The following PARD3B variants were observed in gnomAD, a reference collection of about 807,000 sequenced individuals.
The protein encoded by PARD3B is par-3 family cell polarity regulator beta, also known as partitioning defective 3 homolog B.
Under a neutral mutation model 130.2 loss-of-function variants are expected in PARD3B, and 103 were observed. That is an observed-to-expected ratio of 0.79 (90% CI 0.67 to 0.93). PARD3B has a LOEUF of 0.93. Among genes scored for constraint, PARD3B ranks in the 40% least tolerant of loss-of-function variants. PARD3B has a pLI of 0.00. For synonymous variants in PARD3B, 583 were observed against 553.2 expected (o/e 1.05, Z -0.76); for missense variants, 1,609 against 1,499.2 (o/e 1.07, Z -1.21).
chr2:204,920,133 T>C (rs1382761456), intron 2 of PARD3B, among the ~76,000 whole-genome samples: 1 of 152,234 alleles, frequency 6.6e-6, no homozygotes, highest in Non-Finnish European at 1.5e-5. Flanking sequence ...CCCCCTTCAG[T>C]TGAGAGTATG....
At chr2:205,578,039 C>G (rs1315641118) in intron 22 of PARD3B, among the ~76,000 whole-genome samples, 1 of 152,162 alleles carries the variant, frequency 6.6e-6, no homozygotes, top group African/African-American at 2.4e-5. Context: ...TGGATTGGCT[C>G]TGTATCAGTG....
intron 11 of PARD3B, among the ~76,000 whole-genome samples, chr2:205,166,016 T>C (rs2034794738): frequency 6.6e-6 from 1 of 152,104 alleles, no homozygotes; most frequent in African/African-American, 2.4e-5. Context: ...GACTCTCTCA[T>C]AGTTACAATT....
rs1007405393 is a variant in PARD3B at position 204,678,664 on chromosome 2, G to C, written c.121-7517G>C. ...AGTTGCTTCTAGTCTCTGATGCGCA[G>C]TTGCTTCTCCTCTCGATGTTCAGCC... is the stretch of plus-strand genomic sequence containing the variant. On this transcript the variant is annotated intron_variant, in intron 1 of 22. Coordinates refer to ENST00000406610, the MANE Select transcript of PARD3B (RefSeq NM_001302769.2). The surrounding 1 kb of genome is among the most constrained non-coding windows in gnomAD (Gnocchi z 4.2). Among the ~76,000 whole-genome samples, 5 of 152,092 alleles carry C rather than the reference G, an allele frequency of 3.3e-5. 1 individual carries two copies. Among genetic ancestry groups the C allele is most frequent in the Admixed American group, 3.3e-4 (5 of 15,272 alleles).
intron 2 of PARD3B, among the ~76,000 whole-genome samples, chr2:204,899,715 C>G (rs1254569736): frequency 6.6e-6 from 1 of 151,906 alleles, no homozygotes; most frequent in Non-Finnish European, 1.5e-5. Context: ...CATTTTATAC[C>G]TTCAGATAAT....
At chr2:205,392,183 G>A (rs1368439517) in intron 18 of PARD3B, among the ~76,000 whole-genome samples, 1 of 152,208 alleles carries the variant, frequency 6.6e-6, no homozygotes, top group African/African-American at 2.4e-5. Flanking sequence ...TTTAGCTAGA[G>A]AGCTGCTTAA....
chr2:205,444,913 T>A lies in PARD3B; in HGVS notation c.3044+4241T>A, dbSNP rs538966743. Among the ~76,000 whole-genome samples, 11 of 152,286 alleles carry A rather than the reference T, an allele frequency of 7.2e-5. No individual in the cohort carries two copies. The South Asian group carries it at 2.3e-3, about 32-fold the overall frequency. On this transcript the variant is annotated intron_variant, in intron 20 of 22. Transcript: ENST00000406610. Reference sequence around the variant, plus strand: ...ATTTGGCCACTAAAAGGTCATCAGTTAATTTAGAGAGAACAGTTTTAGTAG... The same window carrying A: ...ATTTGGCCACTAAAAGGTCATCAGTAAATTTAGAGAGAACAGTTTTAGTAG...
At chr2:204,966,755 A>G (rs1411686361) in intron 3 of PARD3B, among the ~76,000 whole-genome samples, 2 of 152,172 alleles carry the variant, frequency 1.3e-5, no homozygotes, top group African/African-American at 4.8e-5. Flanking sequence ...GTCAGCCGAG[A>G]TTCCCCTTCT....
chr2:204,934,206 C>G (rs1252897286), intron 2 of PARD3B, among the ~76,000 whole-genome samples: 2 of 152,158 alleles, frequency 1.3e-5, no homozygotes, highest in African/African-American at 4.8e-5. Flanking sequence ...CACTGTCATG[C>G]TGTTAATTAC....
At chr2:204,576,804 G>A (rs555897129) in intron 1 of PARD3B, among the ~76,000 whole-genome samples, 66 of 152,170 alleles carry the variant, frequency 4.3e-4, no homozygotes, top group African/African-American at 1.6e-3. Flanking sequence ...GTGTCTTTCA[G>A]GCACACTCAT....
At chr2:205,605,734 ACTGGGAC>A (rs2054969372) in intron 22 of PARD3B, among the ~76,000 whole-genome samples, 1 of 151,678 alleles carries the variant, frequency 6.6e-6, no homozygotes. Context: ...AGGCACGGGA[ACTGGGAC>A]CTGCTTAATG....
intron 2 of PARD3B, among the ~76,000 whole-genome samples, chr2:204,708,024 C>T (rs530045118): frequency 2.0e-5 from 3 of 152,114 alleles, no homozygotes; most frequent in South Asian, 2.1e-4. Context: ...TCAAAACTCC[C>T]GACCCACAGC....
intron 1 of PARD3B, among the ~76,000 whole-genome samples, chr2:204,631,470 G>C (rs916626319): frequency 6.6e-6 from 1 of 152,002 alleles, no homozygotes; most frequent in African/African-American, 2.4e-5. Context: ...GGATAGTCTC[G>C]ATCTCTTGAC....
At chr2:205,392,027 AT>A in intron 18 of PARD3B, among the ~76,000 whole-genome samples, 1 of 152,284 alleles carries the variant, frequency 6.6e-6, no homozygotes, top group East Asian at 1.9e-4. Flanking sequence ...TTTAAAAAAT[AT>A]TAGTTATTGG....
intron 20 of PARD3B, among the ~76,000 whole-genome samples, chr2:205,498,916 A>G (rs1025911805): frequency 1.3e-5 from 2 of 152,144 alleles, no homozygotes; most frequent in African/African-American, 4.8e-5. Context: ...GTCATAATGG[A>G]CTGTAGTCTT....
intron 16 of PARD3B, among the ~76,000 whole-genome samples, chr2:205,299,561 T>TTATATATATATATATATATATAA (rs1289898796): frequency 5.8e-5 from 1 of 17,238 alleles, no homozygotes; most frequent in African/African-American, 1.1e-4. Context: ...ATATTATATA[T>TTATATATATATATATATATATAA]TATATATATA....
intron 4 of PARD3B, among the ~76,000 whole-genome samples, chr2:205,077,626 A>C (rs970506160): frequency 2.6e-5 from 4 of 152,176 alleles, no homozygotes; most frequent in Admixed American, 1.3e-4. Flanking sequence ...ATTTTTAATG[A>C]AATATTATAT....
intron 19 of PARD3B, among the ~76,000 whole-genome samples, chr2:205,422,444 C>G (rs1344400913): frequency 6.6e-6 from 1 of 152,170 alleles, no homozygotes; most frequent in African/African-American, 2.4e-5. Context: ...TGTTTAATGA[C>G]TAGATTCTCC....
chr2:204,774,070 C>A (rs1293981048), intron 2 of PARD3B, among the ~76,000 whole-genome samples: 1 of 152,036 alleles, frequency 6.6e-6, no homozygotes, highest in Admixed American at 6.6e-5. Context: ...TCTTCCTCTG[C>A]ATGCCAATCT....
At chr2:204,630,948 C>T (rs2034658042) in intron 1 of PARD3B, among the ~76,000 whole-genome samples, 1 of 151,934 alleles carries the variant, frequency 6.6e-6, no homozygotes, top group Non-Finnish European at 1.5e-5. Flanking sequence ...TTTTTTATGT[C>T]TCTGTCTTCT....
Sources: gnomAD v4.1 joint callset for allele counts (sites outside exome capture counted in the v4.1 genomes callset) on GRCh38, gnomAD v4.1.1 for gene constraint, Gnocchi (gnomAD v3.1) non-coding constraint, MANE v1.5 for transcripts, NCBI Gene and HGNC (gene_info 2026-07-23, HGNC 2026-07-21) for gene names.